PDE10A: variants seen among roughly 807,000 people sequenced by gnomAD.
The protein encoded by PDE10A is phosphodiesterase 10A, also known as cAMP and cAMP-inhibited cGMP 3',5'-cyclic phosphodiesterase 10A.
In PDE10A, 39 loss-of-function variants were observed where a neutral mutation model predicts 97.7. The observed-to-expected ratio is 0.40, with a 90% CI of 0.31 to 0.52. PDE10A has a LOEUF of 0.52. Ranked by LOEUF, PDE10A falls within the 20% of genes least tolerant of loss-of-function variation. The pLI, the probability that PDE10A is intolerant of heterozygous loss-of-function variation, is 0.56. For missense variants in PDE10A, 731 were observed against 1,047.8 expected, an observed-to-expected ratio of 0.70 and a Z score of 4.17; for synonymous variants, 371 against 376.8, an observed-to-expected ratio of 0.98 and a Z score of 0.18.
intron 18 of PDE10A, among the ~76,000 whole-genome samples, chr6:165,368,291 C>A (rs1186034796): frequency 2.6e-5 from 4 of 152,200 alleles, no homozygotes. Context: ...TCACCACACC[C>A]AGCCCATATT....
At chr6:165,333,212 G>A (rs1419226513) in intron 21 of PDE10A, 85 bp from the exon 22 acceptor site, 1 of 808,920 alleles carries the variant, frequency 1.2e-6, no homozygotes. Context: ...CAGTCCTGTG[G>A]CACAGCTCTG....
Position 165,430,409 on chromosome 6 carries a change from A to G in PDE10A, c.1543-64T>C. 4 of 997,692 alleles carry G rather than the reference A, an allele frequency of 4.0e-6. No individual in the cohort carries two copies. The South Asian group carries it at 5.5e-5, about 14-fold the overall frequency. The allele number at this position is 997,692 out of a possible 1,614,324, so 61.8% of individuals were successfully genotyped here. ...CTGCTTATTTCAAAATAAAACTTCC[A>G]GAATACTAATTACCTTATTTATTGA... On this transcript the variant is annotated intron_variant, in intron 8 of 21. Transcript: ENST00000539869.
At chr6:165,472,986 A>C (rs1174269345) in intron 3 of PDE10A, among the ~76,000 whole-genome samples, 1 of 152,182 alleles carries the variant, frequency 6.6e-6, no homozygotes, top group Non-Finnish European at 1.5e-5. Flanking sequence ...GGATCCTAGC[A>C]TTGTTCCTTA....
intron 2 of PDE10A, among the ~76,000 whole-genome samples, chr6:165,541,458 T>C (rs986974035): frequency 6.6e-6 from 1 of 152,076 alleles, no homozygotes; most frequent in Admixed American, 6.6e-5. Flanking sequence ...ATTTGGGAGG[T>C]AGGAAATGAC....
At chr6:165,537,166 G>A (rs948919908) in intron 2 of PDE10A, among the ~76,000 whole-genome samples, 1 of 151,992 alleles carries the variant, frequency 6.6e-6, no homozygotes, top group African/African-American at 2.4e-5. Context: ...AGTCCATTAA[G>A]TGAAATAAGC....
At chr6:165,987,117 G>C (rs542931763) in intron 1 of PDE10A, among the ~76,000 whole-genome samples, 1 of 152,246 alleles carries the variant, frequency 6.6e-6, no homozygotes, top group Admixed American at 6.5e-5. Flanking sequence ...AGGCCGCCTC[G>C]GGAGGCACCT....
intron 1 of PDE10A, among the ~76,000 whole-genome samples, chr6:165,956,022 T>A (rs1222450585): frequency 6.6e-6 from 1 of 152,216 alleles, no homozygotes; most frequent in African/African-American, 2.4e-5. Context: ...ATCTGTAAAC[T>A]GCCTGAACAG....
intron 12 of PDE10A, among the ~76,000 whole-genome samples, chr6:165,414,762 C>A (rs1158741957): frequency 6.6e-6 from 1 of 152,128 alleles, no homozygotes; most frequent in East Asian, 1.9e-4. Context: ...ACCTGTTTTC[C>A]CAAGCGGTTG....
At chr6:165,777,554 T>C (rs1778220386) in intron 1 of PDE10A, among the ~76,000 whole-genome samples, 1 of 152,156 alleles carries the variant, frequency 6.6e-6, no homozygotes, top group Non-Finnish European at 1.5e-5. Flanking sequence ...CTAAGCAAGA[T>C]GGTCAAATGG....
intron 1 of PDE10A, among the ~76,000 whole-genome samples, chr6:165,677,340 T>C (rs1365431546): frequency 6.6e-6 from 1 of 152,212 alleles, no homozygotes; most frequent in African/African-American, 2.4e-5. Context: ...GCCCTGCAGC[T>C]TTTCCACATG....
chr6:165,658,631 A>G (rs1790082478), intron 1 of PDE10A, among the ~76,000 whole-genome samples: 1 of 152,220 alleles, frequency 6.6e-6, no homozygotes, highest in Non-Finnish European at 1.5e-5. Flanking sequence ...AACCTATGTT[A>G]TCTTTTCTAG....
At chr6:165,838,737 C>G (rs1176098665) in intron 1 of PDE10A, among the ~76,000 whole-genome samples, 1 of 152,246 alleles carries the variant, frequency 6.6e-6, no homozygotes, top group Admixed American at 6.5e-5. Flanking sequence ...AGGCAAATCA[C>G]TGAAACTTTT....
intron 1 of PDE10A, among the ~76,000 whole-genome samples, chr6:165,837,360 C>T (rs1246635264): frequency 3.9e-5 from 6 of 152,130 alleles, no homozygotes; most frequent in Non-Finnish European, 7.4e-5. Flanking sequence ...CATGTATGGC[C>T]GCAGAGTTAA....
chr6:165,813,528 A>G (rs906105974), intron 1 of PDE10A, among the ~76,000 whole-genome samples: 2 of 152,222 alleles, frequency 1.3e-5, no homozygotes, highest in Non-Finnish European at 2.9e-5. Context: ...GACTTCTGAC[A>G]TCGCTGTTCA....
intron 1 of PDE10A, among the ~76,000 whole-genome samples, chr6:165,905,301 C>T (rs938306338): frequency 8.5e-5 from 13 of 152,052 alleles, no homozygotes; most frequent in Non-Finnish European, 1.5e-4. Context: ...TTTATGTCTG[C>T]AAAGTCTACA....
intron 17 of PDE10A, among the ~76,000 whole-genome samples, chr6:165,387,381 G>A (rs1352765192): frequency 2.0e-5 from 3 of 152,082 alleles, no homozygotes; most frequent in Non-Finnish European, 2.9e-5. Context: ...TACCAATCAC[G>A]TGGACAGTTA....
chr6:165,784,442 A>C (rs1396357835), intron 1 of PDE10A, among the ~76,000 whole-genome samples: 5 of 152,176 alleles, frequency 3.3e-5, no homozygotes, highest in Non-Finnish European at 5.9e-5. Context: ...ACAACTGAAG[A>C]AATTTGAATG....
chr6:165,771,666 A>T (rs1778015097), intron 1 of PDE10A, among the ~76,000 whole-genome samples: 1 of 151,726 alleles, frequency 6.6e-6, no homozygotes, highest in African/African-American at 2.4e-5. Context: ...AAAAAAAAAA[A>T]AAAAAAAAAG....
rs535534370 is a variant in PDE10A, at chr6:165,329,888, G to A, written c.*3137C>T. 1 of 152,236 alleles carries A rather than the reference G, an allele frequency of 6.6e-6. No homozygotes were observed. The highest frequency in any genetic ancestry group is 1.5e-5 in the Non-Finnish European group (1 of 68,002). The allele number at this position is 152,236 out of a possible 1,614,324, so 9.4% of individuals were successfully genotyped here. A position where few individuals can be genotyped will look rare whatever the true frequency, so the allele number is the denominator to read the frequency against. On this transcript the variant is annotated 3_prime_UTR_variant, in exon 22 of 22. Transcript: ENST00000539869. ...AGATGGGTTTTTCATACACCTCTTA[G>A]AGAGAAGTACAGCTGGGAAATGGAC...
Sources: allele counts gnomAD v4.1 joint callset (sites outside exome capture counted in the v4.1 genomes callset), GRCh38; gene constraint gnomAD v4.1.1; transcripts MANE v1.5; gene names NCBI Gene and HGNC (gene_info 2026-07-23, HGNC 2026-07-21).